PAM: variants seen among roughly 807,000 people sequenced by gnomAD.
The protein encoded by PAM is peptidylglycine alpha-amidating monooxygenase, also known as peptidyl-glycine alpha-amidating monooxygenase.
Under a neutral mutation model 122.1 loss-of-function variants are expected in PAM, and 72 were observed. The observed-to-expected ratio is 0.59, with a 90% CI of 0.49 to 0.72. The LOEUF is 0.72. Among genes scored for constraint, PAM ranks in the 30% least tolerant of loss-of-function variants. PAM has a pLI of 0.00. For synonymous variants in PAM, 389 were observed against 404.4 expected (o/e 0.96, Z 0.46); for missense variants, 1,106 against 1,183.7 (o/e 0.93, Z 0.96).
downstream of PAM, chr5:103,029,954 A>G (rs998148750): frequency 5.9e-5 from 9 of 152,190 alleles, no homozygotes; most frequent in African/African-American, 1.7e-4. Flanking sequence ...TTTTGCCTAT[A>G]TATCAATCAG....
chr5:102,825,383 T>A (rs1033134942), intron 1 of PAM, among the ~76,000 whole-genome samples: 8 of 152,202 alleles, frequency 5.3e-5, no homozygotes, highest in African/African-American at 1.9e-4. Flanking sequence ...ATATTCTTAA[T>A]AGCCCAGGAG....
chr5:102,924,456 A>G (rs1748670074), intron 5 of PAM, among the ~76,000 whole-genome samples: 1 of 151,922 alleles, frequency 6.6e-6, no homozygotes, highest in African/African-American at 2.4e-5. Flanking sequence ...AAAAAACAAA[A>G]AAACTCTTAA....
intron 1 of PAM, among the ~76,000 whole-genome samples, chr5:102,772,115 G>A (rs1019150309): frequency 1.3e-5 from 2 of 152,040 alleles, no homozygotes; most frequent in African/African-American, 4.8e-5. Context: ...TTTGAAACAG[G>A]GATGTATTGG....
chr5:102,822,946 C>T (rs995326929), intron 1 of PAM, among the ~76,000 whole-genome samples: 1 of 152,314 alleles, frequency 6.6e-6, no homozygotes, highest in African/African-American at 2.4e-5. Context: ...CTCCCCCACC[C>T]TCTATGGCCA....
chr5:102,913,728 C>T (rs1232874896), intron 4 of PAM, among the ~76,000 whole-genome samples: 2 of 151,892 alleles, frequency 1.3e-5, no homozygotes, highest in Non-Finnish European at 2.9e-5. Flanking sequence ...GATATTCAGC[C>T]TTATTTTTCC....
At chr5:102,982,334 C>G (rs1391035009) in intron 15 of PAM, among the ~76,000 whole-genome samples, 1 of 152,194 alleles carries the variant, frequency 6.6e-6, no homozygotes, top group African/African-American at 2.4e-5. Flanking sequence ...AGTGCTGATA[C>G]TGCCTTTACT....
intron 12 of PAM, among the ~76,000 whole-genome samples, chr5:102,956,656 CACCTTT>C (rs1163633432): frequency 6.6e-6 from 1 of 151,878 alleles, no homozygotes; most frequent in African/African-American, 2.4e-5. Flanking sequence ...AAACTTATGC[CACCTTT>C]TTATTTCATA....
chr5:102,902,774 T>G (rs985091079), intron 4 of PAM, among the ~76,000 whole-genome samples: 4 of 151,470 alleles, frequency 2.6e-5, no homozygotes, highest in Non-Finnish European at 5.9e-5. Context: ...TTGTTTTGAG[T>G]CCTGTTTTCA....
Position 103,028,184 on chromosome 5 carries a change from G to C in PAM, c.2689G>C (p.Asp897His). ...TGAAATGTGCCATCTTTTTTTAGCA[G>C]ATTCTGAACACAAACTCGAGACGAG... Residue 897 changes from aspartate (D) to histidine (H), a missense_variant and splice_region_variant, in exon 25 of 26, where the codon GAT (aspartate) becomes CAT (histidine). By Grantham distance (81) the Asp-to-His change is moderately conservative. Coordinates refer to the PAM transcript ENST00000304400. The C allele has an allele frequency of 6.2e-7, 1 of 1,611,914 alleles. No homozygotes were observed. The highest frequency in any genetic ancestry group is 1.1e-5 in the South Asian group (1 of 90,910).
chr5:102,758,957 A>G (rs530866428), intron 1 of PAM, among the ~76,000 whole-genome samples: 1 of 152,304 alleles, frequency 6.6e-6, no homozygotes, highest in Admixed American at 6.5e-5. Flanking sequence ...TTTTTCATTC[A>G]TTTATGCAAC....
intron 3 of PAM, among the ~76,000 whole-genome samples, chr5:102,890,109 CT>C (rs1794350439): frequency 6.6e-6 from 1 of 151,896 alleles, no homozygotes; most frequent in Non-Finnish European, 1.5e-5. Flanking sequence ...TTAGGTTTTG[CT>C]GATTGCATCA....
intron 1 of PAM, among the ~76,000 whole-genome samples, chr5:102,791,177 A>T (rs968826234): frequency 6.6e-6 from 1 of 152,138 alleles, no homozygotes; most frequent in African/African-American, 2.4e-5. Context: ...TGACACTCTG[A>T]TGAAAATACT....
At chr5:102,846,995 A>G (rs1033144702) in intron 1 of PAM, among the ~76,000 whole-genome samples, 1 of 152,184 alleles carries the variant, frequency 6.6e-6, no homozygotes, top group African/African-American at 2.4e-5. Context: ...GAGGGTCATC[A>G]TATCTTACAT....
intron 21 of PAM, among the ~76,000 whole-genome samples, 193 bp from the exon 22 acceptor site, chr5:103,017,141 G>C (rs1366553051): frequency 1.3e-5 from 2 of 152,176 alleles, no homozygotes; most frequent in Admixed American, 6.6e-5. Flanking sequence ...ATGCCTGGAA[G>C]AGTCAGTACC....
intron 16 of PAM, among the ~76,000 whole-genome samples, chr5:102,995,966 GCTT>G (rs1265548730): frequency 1.3e-5 from 2 of 151,324 alleles, no homozygotes; most frequent in Non-Finnish European, 2.9e-5. Context: ...TATTTCTCTA[GCTT>G]CTTAATTTAT....
intron 3 of PAM, among the ~76,000 whole-genome samples, chr5:102,881,918 G>A (rs1433548449): frequency 6.7e-6 from 1 of 150,236 alleles, no homozygotes; most frequent in Non-Finnish European, 1.5e-5. Context: ...CCCAACTTAT[G>A]AGTGAGAACA....
intron 15 of PAM, among the ~76,000 whole-genome samples, chr5:102,981,240 T>C (rs953617228): frequency 6.6e-6 from 1 of 152,226 alleles, no homozygotes; most frequent in Admixed American, 6.5e-5. Flanking sequence ...AATTCATATT[T>C]GGCCCCAAAA....
At chr5:102,782,800 G>T (rs1388217636) in intron 1 of PAM, among the ~76,000 whole-genome samples, 1 of 149,392 alleles carries the variant, frequency 6.7e-6, no homozygotes, top group East Asian at 2.0e-4. Context: ...CAGGCAACAT[G>T]TTGGCTTTTT....
At chr5:102,965,933 A>C (rs114564417) in intron 14 of PAM, among the ~76,000 whole-genome samples, 267 of 152,202 alleles carry the variant, frequency 1.8e-3, no homozygotes, top group African/African-American at 6.1e-3. Flanking sequence ...AGCCTGCTAA[A>C]GTTACAGTTG....
Sources: gnomAD v4.1 joint callset for allele counts (sites outside exome capture counted in the v4.1 genomes callset) on GRCh38, gnomAD v4.1.1 for gene constraint, MANE v1.5 for transcripts, NCBI Gene and HGNC (gene_info 2026-07-23, HGNC 2026-07-21) for gene names.